Variants in ARHGAP19 observed in about 807,000 individuals in gnomAD.
ARHGAP19 encodes Rho GTPase activating protein 19.
ARHGAP19 carries 48 observed loss-of-function variants against 60.9 expected under a neutral mutation model. The ratio of observed to expected loss-of-function variants is 0.79; its 90% CI spans 0.62 to 1.00. The LOEUF (loss-of-function observed/expected upper bound fraction) is 1.00, where lower values mean the gene tolerates loss of function less well. Among genes scored for constraint, ARHGAP19 ranks in the 50% least tolerant of loss-of-function variants. The pLI, the probability that ARHGAP19 is intolerant of heterozygous loss-of-function variation, is 0.00. For synonymous variants in ARHGAP19, 209 were observed against 215.5 expected (o/e 0.97, Z 0.27); for missense variants, 562 against 597.2 (o/e 0.94, Z 0.61).
rs766955812 is a variant in ARHGAP19, at chr10:97,292,630, T to C, written c.-3A>G. The C allele has an allele frequency of 8.7e-6, 14 of 1,614,112 alleles. No homozygotes were observed. The African/African-American group carries it at 1.3e-4, about 15-fold the overall frequency. ...TCACTCTGTGCCTCAGTCGCCATCT[T>C]CGTCAGCAAACTTCTTTCACCGCCC... On this transcript the variant is annotated 5_prime_UTR_variant, in exon 1 of 12. Coordinates refer to ENST00000358531, the MANE Select transcript of ARHGAP19 (RefSeq NM_032900.6).
intron 1 of ARHGAP19, among the ~76,000 whole-genome samples, chr10:97,280,584 A>AT (rs879779202): frequency 1.8e-3 from 261 of 143,510 alleles, no homozygotes; most frequent in Non-Finnish European, 2.2e-3. Flanking sequence ...CTCTTTTCCT[A>AT]TTTTTTTTTT....
At chr10:97,242,582 G>A (rs1283075511) in intron 8 of ARHGAP19, among the ~76,000 whole-genome samples, 2 of 150,148 alleles carry the variant, frequency 1.3e-5, no homozygotes, top group African/African-American at 4.9e-5. Flanking sequence ...GCATGATCTC[G>A]GCTCACCACA....
At chr10:97,288,128 G>A (rs1362372943) in intron 1 of ARHGAP19, among the ~76,000 whole-genome samples, 1 of 152,156 alleles carries the variant, frequency 6.6e-6, no homozygotes, top group Non-Finnish European at 1.5e-5. Flanking sequence ...ATTAGGAGCA[G>A]TGTTAAAATA....
chr10:97,230,019 T>C (rs1850978152), intron 9 of ARHGAP19, 145 bp from the exon 10 acceptor site: 3 of 602,148 alleles, frequency 5.0e-6, no homozygotes, highest in Non-Finnish European at 8.4e-6. Flanking sequence ...CAGGCCATCT[T>C]ATACAAGAGA....
chr10:97,290,120 G>A lies in ARHGAP19; in HGVS notation c.56+2452C>T, dbSNP rs565218720. On this transcript the variant is annotated intron_variant, in intron 1 of 11. Coordinates refer to ENST00000358531, the MANE Select transcript of ARHGAP19 (RefSeq NM_032900.6). The stretch of plus-strand genomic sequence containing the variant: ...AACCCCCTTTGGGTCCCCTCCCTTT[G>A]TATGGGAACTCTGTTTTCACTCTAT... 4.6e-5 allele frequency among the ~76,000 whole-genome samples: 7 copies of A among 151,954 alleles called. No individual in the cohort carries two copies. In the South Asian group the frequency reaches 1.5e-3, roughly 32 times the overall value.
intron 9 of ARHGAP19, among the ~76,000 whole-genome samples, chr10:97,232,539 C>T (rs1344858588): frequency 1.3e-5 from 2 of 151,970 alleles, no homozygotes; most frequent in Non-Finnish European, 2.9e-5. Flanking sequence ...GATATTAATC[C>T]CTAATCATAA....
At chr10:97,270,293 T>C (rs1842945626) in intron 1 of ARHGAP19, among the ~76,000 whole-genome samples, 1 of 152,182 alleles carries the variant, frequency 6.6e-6, no homozygotes, top group South Asian at 2.1e-4. Flanking sequence ...GTGGACCACC[T>C]GGTAAAACAA....
In ARHGAP19 at chr10:97,263,402, C is replaced by A; in HGVS notation, c.613+18G>T. The A allele has an allele frequency of 6.2e-7, 1 of 1,611,358 alleles. No individual in the cohort carries two copies. Among genetic ancestry groups the A allele is most frequent in the Non-Finnish European group, 8.5e-7 (1 of 1,177,524 alleles). On this transcript the variant is annotated intron_variant, in intron 4 of 11. Coordinates refer to ENST00000358531, the MANE Select transcript of ARHGAP19 (RefSeq NM_032900.6). ...GAAAGAAATGTATTTACATCTCCTTCTTACTTCCTATACTCACCAGCGATT... is the reference window on the plus strand; with the variant it reads ...GAAAGAAATGTATTTACATCTCCTTATTACTTCCTATACTCACCAGCGATT...
At chr10:97,262,919 T>C (rs1375613397) in intron 4 of ARHGAP19, among the ~76,000 whole-genome samples, 2 of 152,118 alleles carry the variant, frequency 1.3e-5, no homozygotes, top group African/African-American at 4.8e-5. Flanking sequence ...AGTTTGAGTC[T>C]GGGCAACACG....
At chr10:97,241,785 G>A (rs1041750076) in intron 8 of ARHGAP19, among the ~76,000 whole-genome samples, 7 of 151,882 alleles carry the variant, frequency 4.6e-5, no homozygotes, top group Non-Finnish European at 7.4e-5. Context: ...CGAGGTGGGC[G>A]GATCACAAGG....
chr10:97,238,381 A>G (rs1842415113), intron 8 of ARHGAP19, among the ~76,000 whole-genome samples: 1 of 152,082 alleles, frequency 6.6e-6, no homozygotes, highest in Non-Finnish European at 1.5e-5. Context: ...TAACGAGACC[A>G]GTTAATTTTT....
rs1174853423 is a variant in ARHGAP19 at position 97,250,031 on chromosome 10, G to A, written c.928-3694C>T. 3.3e-5 allele frequency among the ~76,000 whole-genome samples: 5 copies of A among 152,136 alleles called. No individual in the cohort carries two copies. The South Asian group carries it at 8.3e-4, about 25-fold the overall frequency. On this transcript the variant is annotated intron_variant, in intron 6 of 11. Coordinates refer to ENST00000358531, the MANE Select transcript of ARHGAP19 (RefSeq NM_032900.6). ...GATCTCCTGACCTCATGATCCGCCC[G>A]CCTCAGCCTCCCAAAGTGCTGGGAT...
intron 6 of ARHGAP19, among the ~76,000 whole-genome samples, chr10:97,251,089 GGGGAAGGGGAAAA>G (rs1842638823): frequency 7.0e-6 from 1 of 143,560 alleles, no homozygotes; most frequent in Non-Finnish European, 1.5e-5. Flanking sequence ...GGAAGGGAAA[GGGGAAGGGGAAAA>G]GGAAGGGGAA....
intron 6 of ARHGAP19, 86 bp downstream of exon 6, chr10:97,256,232 T>G (rs1842750913): frequency 3.7e-6 from 4 of 1,090,674 alleles, no homozygotes; most frequent in Non-Finnish European, 5.6e-6. Flanking sequence ...TTTTTCTCGT[T>G]TAGTTATCTT....
intron 7 of ARHGAP19, 53 bp from the exon 8 acceptor site, chr10:97,244,212 T>TG (rs147326704): frequency 0.05 from 73,832 of 1,474,756 alleles, 2,237 homozygotes; most frequent in Non-Finnish European, 0.058. Context: ...AACTTTGTTT[T>TG]GGGGTTCTTA....
chr10:97,253,677 C>T (rs918870823), intron 6 of ARHGAP19, among the ~76,000 whole-genome samples: 2 of 152,120 alleles, frequency 1.3e-5, no homozygotes, highest in Non-Finnish European at 2.9e-5. Context: ...GACAACTATT[C>T]AATGTGATGG....
At chr10:97,247,495 A>T (rs966770104) in intron 6 of ARHGAP19, among the ~76,000 whole-genome samples, 2 of 152,204 alleles carry the variant, frequency 1.3e-5, no homozygotes, top group Admixed American at 6.6e-5. Flanking sequence ...TACTGGTAAC[A>T]TATCCTGAGT....
At chr10:97,289,176 G>A (rs374313511) in intron 1 of ARHGAP19, among the ~76,000 whole-genome samples, 3 of 149,544 alleles carry the variant, frequency 2.0e-5, no homozygotes, top group South Asian at 4.2e-4. Flanking sequence ...GGGCAATGGC[G>A]CTATCTCAGC....
intron 5 of ARHGAP19, among the ~76,000 whole-genome samples, chr10:97,258,950 G>A (rs916360425): frequency 5.3e-5 from 8 of 152,126 alleles, no homozygotes; most frequent in African/African-American, 1.4e-4. Flanking sequence ...CAAAAGTCAG[G>A]ACAAGGCAGG....
Sources: allele counts gnomAD v4.1 joint callset (sites outside exome capture counted in the v4.1 genomes callset), GRCh38; gene constraint gnomAD v4.1.1; transcripts MANE v1.5; gene names NCBI Gene and HGNC (gene_info 2026-07-23, HGNC 2026-07-21).